SVEP1: variants seen among roughly 807,000 people sequenced by gnomAD.
The protein encoded by SVEP1 is sushi, von Willebrand factor type A, EGF and pentraxin domain containing 1.
Under a neutral mutation model 367.3 loss-of-function variants are expected in SVEP1, and 164 were observed. That is an observed-to-expected ratio of 0.45 (90% CI 0.39 to 0.51). SVEP1 has a LOEUF of 0.51. SVEP1 is among the 20% of genes least tolerant of loss of function. SVEP1 has a pLI of 0.00. For synonymous variants in SVEP1, 1,666 were observed against 1,611.6 expected, an observed-to-expected ratio of 1.03 and a Z score of -0.81; for missense variants, 4,117 against 4,425.3, an observed-to-expected ratio of 0.93 and a Z score of 1.98.
chr9:110,552,024 CTTTTT>C (rs34366561), intron 1 of SVEP1, among the ~76,000 whole-genome samples: 2 of 77,034 alleles, frequency 2.6e-5, no homozygotes, highest in African/African-American at 5.0e-5. Context: ...GGTACCCAAC[CTTTTT>C]TTTTTTTTTT....
Position 110,400,706 on chromosome 9 carries a change from C to A in SVEP1, c.9822+148G>T, listed in dbSNP as rs1350792922. ...AAACTCTAAGTTGCCTTAAATATTTCTTGGAAAATGTTAGAGTATAAGGGA... is the reference window on the plus strand; with the variant it reads ...AAACTCTAAGTTGCCTTAAATATTTATTGGAAAATGTTAGAGTATAAGGGA... On this transcript the variant is annotated intron_variant, in intron 40 of 47. Coordinates refer to ENST00000374469, the MANE Select transcript of SVEP1 (RefSeq NM_153366.4). 6.5e-6 allele frequency: 6 copies of A among 917,028 alleles called. No individual in the cohort carries two copies. The African/African-American group carries it at 6.8e-5, about 10-fold the overall frequency. The allele number at this position is 917,028 out of a possible 1,614,324, so 56.8% of individuals were successfully genotyped here. A position where few individuals can be genotyped will look rare whatever the true frequency, so the allele number is the denominator to read the frequency against.
At position 110,507,291 on chromosome 9, in the gene SVEP1, T is replaced by C. The variant is rs556321100; in HGVS notation, c.1304-4074A>G. Reference sequence around the variant, plus strand: ...TATATTTTTTCTTCTTCTACTTTTCTGCATTTGCCAATTGTTCATACCATG... The same window carrying C: ...TATATTTTTTCTTCTTCTACTTTTCCGCATTTGCCAATTGTTCATACCATG... On this transcript the variant is annotated intron_variant, in intron 5 of 47. Coordinates refer to ENST00000374469, the MANE Select transcript of SVEP1 (RefSeq NM_153366.4). 2.6e-5 allele frequency among the ~76,000 whole-genome samples: 4 copies of C among 152,342 alleles called. No homozygotes were observed. In the South Asian group the frequency reaches 8.3e-4, roughly 32 times the overall value.
chr9:110,478,615 G>A (rs1314176637), intron 13 of SVEP1, among the ~76,000 whole-genome samples: 3 of 152,114 alleles, frequency 2.0e-5, no homozygotes, highest in Non-Finnish European at 4.4e-5. Flanking sequence ...TAGTAACAGA[G>A]GCCTAATGGG....
chr9:110,505,693 C>T (rs1465912745), intron 5 of SVEP1, among the ~76,000 whole-genome samples: 3 of 152,046 alleles, frequency 2.0e-5, no homozygotes, highest in Non-Finnish European at 2.9e-5. Context: ...TCTCTCCTTT[C>T]TCTTTTTTCT....
intron 13 of SVEP1, among the ~76,000 whole-genome samples, chr9:110,478,803 G>A (rs12376163): frequency 0.12 from 18,549 of 152,174 alleles, 1,563 homozygotes; most frequent in South Asian, 0.23. Flanking sequence ...ACAATAAAAT[G>A]TTAGCAAATA....
chr9:110,445,818 TC>T lies in SVEP1; in HGVS notation c.4463+18del. ...CAAGATAAGATCTTAAGCATAGCCT[TC>T]CCGACACTTCTGCTTACCCGTTATA... On this transcript the variant is annotated intron_variant, in intron 26 of 47. Transcript: ENST00000374469. 1 of 1,613,336 alleles carries T rather than the reference TC, an allele frequency of 6.2e-7. No homozygotes were observed. Among genetic ancestry groups the T allele is most frequent in the South Asian group, 1.1e-5 (1 of 91,042 alleles).
At chr9:110,558,806 C>A (rs985378210) in intron 1 of SVEP1, among the ~76,000 whole-genome samples, 25 of 151,982 alleles carry the variant, frequency 1.6e-4, no homozygotes, top group African/African-American at 6.0e-4. Context: ...CACATAGCCA[C>A]AAAATTTTAT....
chr9:110,489,221 G>A (rs1205143764), intron 9 of SVEP1, among the ~76,000 whole-genome samples: 1 of 152,124 alleles, frequency 6.6e-6, no homozygotes, highest in Non-Finnish European at 1.5e-5. Flanking sequence ...AAGGAGAAGT[G>A]GTCTCTGGGG....
In SVEP1 at chr9:110,408,120, T is replaced by C. The variant is rs1277938417; in HGVS notation, c.7480A>G (p.Lys2494Glu). Residue 2494 changes from lysine to glutamate, a missense_variant, in exon 38 of 48, where the codon AAA (lysine) becomes GAA (glutamate). Coordinates refer to ENST00000374469, the MANE Select transcript of SVEP1 (RefSeq NM_153366.4). The stretch of plus-strand genomic sequence containing the variant: ...TTGGGTTTCAGGCACTCAATGGCTT[T>C]ACATGTTGGTTTTCCTCCAAGCCAG... ...GHWLGGKPTC[K>E]AIECLKPKEI... 6.2e-7 allele frequency: 1 copy of C among 1,613,784 alleles called. No homozygotes were observed. Among genetic ancestry groups the C allele is most frequent in the Non-Finnish European group, 8.5e-7 (1 of 1,179,864 alleles).
At chr9:110,571,458 G>A (rs1830561245) in intron 1 of SVEP1, among the ~76,000 whole-genome samples, 2 of 152,230 alleles carry the variant, frequency 1.3e-5, no homozygotes, top group African/African-American at 4.8e-5. Flanking sequence ...ATCCCTGATG[G>A]TAGGAGCTCC....
intron 26 of SVEP1, among the ~76,000 whole-genome samples, chr9:110,445,419 T>C (rs1325504375): frequency 6.6e-6 from 1 of 152,196 alleles, no homozygotes; most frequent in Non-Finnish European, 1.5e-5. Flanking sequence ...CTGAAATCCC[T>C]TAACTTTTAG....
intron 1 of SVEP1, among the ~76,000 whole-genome samples, chr9:110,576,292 T>C (rs771281015): frequency 6.6e-6 from 1 of 151,970 alleles, no homozygotes; most frequent in Non-Finnish European, 1.5e-5. Context: ...ACTGTGACCC[T>C]GAAAAATAAT....
chr9:110,503,262 A>AT (rs1829568072), intron 5 of SVEP1, 45 bp from the exon 6 acceptor site: 3 of 1,550,300 alleles, frequency 1.9e-6, no homozygotes, highest in Non-Finnish European at 2.6e-6. Flanking sequence ...CTAAATAAGG[A>AT]TAAAAATAAT....
chr9:110,569,707 A>G (rs1830531955), intron 1 of SVEP1, among the ~76,000 whole-genome samples: 1 of 152,200 alleles, frequency 6.6e-6, no homozygotes, highest in Non-Finnish European at 1.5e-5. Context: ...TTCCTTAATT[A>G]GTTTCAAATT....
At chr9:110,382,292 AGT>A (rs1702041546) in intron 43 of SVEP1, among the ~76,000 whole-genome samples, 6 of 151,930 alleles carry the variant, frequency 3.9e-5, no homozygotes, top group Admixed American at 3.9e-4. Context: ...GAATTCCCTC[AGT>A]GTTTTCTTGT....
chr9:110,411,473 C>G lies in SVEP1; in HGVS notation c.6238G>C (p.Ala2080Pro), dbSNP rs1828044007. Residue 2080 changes from alanine (A) to proline (P), a missense_variant, in exon 37 of 48, where the codon GCT becomes CCT. By Grantham distance (27) the Ala-to-Pro change is conservative. Transcript: ENST00000374469. ...GATGGAGGTTTTTCACAGAAATGAG[C>G]TATACAACGGGGCATGTCTTGACCT... ...PEGQDMPRCIAHFCEKPPSVS... is the reference protein window; with the variant it reads ...PEGQDMPRCIPHFCEKPPSVS... The G allele has an allele frequency of 6.2e-7, 1 of 1,613,934 alleles. No homozygotes were observed. Among genetic ancestry groups the G allele is most frequent in the Admixed American group, 1.7e-5 (1 of 59,992 alleles).
intron 3 of SVEP1, among the ~76,000 whole-genome samples, chr9:110,523,130 TCTTA>T (rs752608784): frequency 5.6e-4 from 86 of 152,300 alleles, no homozygotes; most frequent in Non-Finnish European, 8.8e-4. Flanking sequence ...TAGTCCTTAC[TCTTA>T]CTTGTCTTGC....
chr9:110,573,111 T>C (rs982972371), intron 1 of SVEP1, among the ~76,000 whole-genome samples: 11 of 152,052 alleles, frequency 7.2e-5, no homozygotes, highest in Non-Finnish European at 1.5e-4. Flanking sequence ...TTGTTGATGT[T>C]AAAACTACCC....
chr9:110,371,447 G>A (rs949018926), intron 46 of SVEP1, among the ~76,000 whole-genome samples: 8 of 151,920 alleles, frequency 5.3e-5, no homozygotes, highest in African/African-American at 1.7e-4. Flanking sequence ...TTTTCCTCCC[G>A]TGAGTATTTT....
Sources: allele counts gnomAD v4.1 joint callset (sites outside exome capture counted in the v4.1 genomes callset), GRCh38; gene constraint gnomAD v4.1.1; transcripts MANE v1.5; gene names NCBI Gene and HGNC (gene_info 2026-07-23, HGNC 2026-07-21).